Variants in UGT1A7 observed in about 807,000 individuals in gnomAD.
The protein encoded by UGT1A7 is UDP glucuronosyltransferase family 1 member A7.
UGT1A7 carries 33 observed loss-of-function variants against 45.6 expected under a neutral mutation model. The ratio of observed to expected loss-of-function variants is 0.72; its 90% CI spans 0.55 to 0.97. UGT1A7 has a LOEUF of 0.97. Among genes scored for constraint, UGT1A7 ranks in the 50% least tolerant of loss-of-function variants. UGT1A7 has a pLI of 0.00. For missense variants in UGT1A7, 684 were observed against 666.2 expected (o/e 1.03, Z -0.29); for synonymous variants, 274 against 250.6 (o/e 1.09, Z -0.88).
chr2:233,732,773 C>CTTTT (rs2078315229), intron 1 of UGT1A7, among the ~76,000 whole-genome samples: 1 of 103,190 alleles, frequency 9.7e-6, no homozygotes, highest in Admixed American at 1.1e-4. Flanking sequence ...TTTTTTTTTG[C>CTTTT]TTAGGATTGT....
At chr2:233,695,439 T>C (rs572772091) in intron 1 of UGT1A7, among the ~76,000 whole-genome samples, 14 of 152,046 alleles carry the variant, frequency 9.2e-5, no homozygotes, top group African/African-American at 3.4e-4. Context: ...CTTCTTCTTT[T>C]TTTTTTGATC....
At chr2:233,723,643 A>G in intron 1 of UGT1A7, among the ~76,000 whole-genome samples, 1 of 102,338 alleles carries the variant, frequency 9.8e-6, no homozygotes, top group Non-Finnish European at 1.9e-5. Context: ...AAGTGAACAA[A>G]GGTCTCTGGT....
intron 1 of UGT1A7, chr2:233,693,614 AC>A: frequency 6.2e-7 from 1 of 1,614,168 alleles, no homozygotes; most frequent in Non-Finnish European, 8.5e-7. Flanking sequence ...AGACCACATG[AC>A]TTTTTCCCAA....
intron 1 of UGT1A7, among the ~76,000 whole-genome samples, chr2:233,736,953 C>G (rs1030380285): frequency 2.0e-5 from 3 of 152,174 alleles, no homozygotes; most frequent in Admixed American, 1.3e-4. Flanking sequence ...TGTCTGTTGG[C>G]CCCTACTGGG....
intron 1 of UGT1A7, among the ~76,000 whole-genome samples, chr2:233,702,761 G>T (rs2125590907): frequency 1.3e-5 from 2 of 152,252 alleles, no homozygotes; most frequent in South Asian, 4.1e-4. Flanking sequence ...AGTGATATGT[G>T]TTAATTGATT....
chr2:233,721,185 A>G (rs759923829), intron 1 of UGT1A7, among the ~76,000 whole-genome samples: 2 of 152,206 alleles, frequency 1.3e-5, no homozygotes, highest in Non-Finnish European at 2.9e-5. Flanking sequence ...TCAAACCACA[A>G]GATATTTGTT....
intron 1 of UGT1A7, chr2:233,691,045 C>T (rs1175954453): frequency 1.0e-6 from 1 of 988,612 alleles, no homozygotes; most frequent in Non-Finnish European, 1.2e-6. Context: ...ACGTCCACAG[C>T]AGAGTGGAGG....
intron 1 of UGT1A7, among the ~76,000 whole-genome samples, chr2:233,738,801 T>C (rs1338084324): frequency 2.0e-5 from 3 of 152,194 alleles, no homozygotes; most frequent in Non-Finnish European, 4.4e-5. Context: ...GCAGAAATAC[T>C]AGCTAAAGAA....
At chr2:233,739,481 A>C (rs1429465625) in intron 1 of UGT1A7, among the ~76,000 whole-genome samples, 1 of 152,208 alleles carries the variant, frequency 6.6e-6, no homozygotes, top group Non-Finnish European at 1.5e-5. Flanking sequence ...GTGGGAGCCC[A>C]TTTCTGGCAT....
rs528683999 is a variant in UGT1A7 at position 233,722,200 on chromosome 2, G to A, written c.855+39408G>A. 2 of 154,324 alleles carry A rather than the reference G, an allele frequency of 1.3e-5. 1 individual carries two copies. Among genetic ancestry groups the A allele is most frequent in the African/African-American group, 4.8e-5 (2 of 41,610 alleles). The allele number at this position is 154,324 out of a possible 1,614,324, so 9.6% of individuals were successfully genotyped here. A position where few individuals can be genotyped will look rare whatever the true frequency, so the allele number is the denominator to read the frequency against. ...CCATGTTCGTGCCAATTTACTGAGT[G>A]CATGAAAGATCATTTACACCAAAAT... On this transcript the variant is annotated intron_variant, in intron 1 of 4. Coordinates refer to ENST00000373426, the MANE Select transcript of UGT1A7 (RefSeq NM_019077.3).
rs1342318233 is a variant in UGT1A7, at chr2:233,708,605, G to C, written c.855+25813G>C. ...CTTCACTACAGAAAGTAAAAACCTA[G>C]CTGGACATGGTAGCGTGTGCCTGTA... On this transcript the variant is annotated intron_variant, in intron 1 of 4. Coordinates refer to ENST00000373426, the MANE Select transcript of UGT1A7 (RefSeq NM_019077.3). 3 of 152,208 alleles carry C rather than the reference G, an allele frequency of 2.0e-5. No individual in the cohort carries two copies. In the East Asian group the frequency reaches 5.8e-4, roughly 30 times the overall value. 9.4% of individuals were successfully genotyped at this position (152,208 alleles called of 1,614,324 possible).
intron 1 of UGT1A7, among the ~76,000 whole-genome samples, chr2:233,736,611 AT>A (rs2078784415): frequency 6.6e-6 from 1 of 151,912 alleles, no homozygotes; most frequent in East Asian, 1.9e-4. Context: ...GGTTTTTAGA[AT>A]TTTCAGCTTT....
chr2:233,682,347 TAAAGG>T lies in UGT1A7; in HGVS notation c.412_416del (p.Lys138GlufsTer4). Reference sequence around the variant, plus strand: ...AATGACCGAAAATTAGTAGAATACTTAAAGGAGAGTTGTTTTGATGCAGTGTTTCT... The same window carrying T: ...AATGACCGAAAATTAGTAGAATACTTAGAGTTGTTTTGATGCAGTGTTTCT... On this transcript the variant is annotated frameshift_variant, in exon 1 of 5. Transcript: ENST00000373426. LOFTEE classifies it high-confidence loss of function. 6.2e-7 allele frequency: 1 copy of T among 1,614,138 alleles called. No individual in the cohort carries two copies. Among genetic ancestry groups the T allele is most frequent in the Admixed American group, 1.7e-5 (1 of 60,018 alleles).
At chr2:233,717,742 G>C (rs956280434) in intron 1 of UGT1A7, 27 of 456,394 alleles carry the variant, frequency 5.9e-5, no homozygotes, top group Non-Finnish European at 1.1e-4. Context: ...GAGTGCTCAG[G>C]GTCTCCCCCT....
intron 1 of UGT1A7, among the ~76,000 whole-genome samples, chr2:233,759,233 GA>G (rs1406502603): frequency 6.6e-6 from 1 of 152,188 alleles, no homozygotes; most frequent in Non-Finnish European, 1.5e-5. Flanking sequence ...ATGAAGGATG[GA>G]AACTTGCTTA....
At chr2:233,744,160 C>A (rs555064194) in intron 1 of UGT1A7, 3 of 294,534 alleles carry the variant, frequency 1.0e-5, no homozygotes, top group Non-Finnish European at 2.0e-5. Context: ...CCAGGCCCCG[C>A]CCACTCCGGC....
chr2:233,707,308 T>A (rs1362623312), intron 1 of UGT1A7, among the ~76,000 whole-genome samples: 2 of 152,304 alleles, frequency 1.3e-5, no homozygotes, highest in Non-Finnish European at 2.9e-5. Flanking sequence ...GCAGGTTTGT[T>A]ACATAGCTAA....
chr2:233,709,565 T>G (rs2076082358), intron 1 of UGT1A7, among the ~76,000 whole-genome samples: 1 of 152,156 alleles, frequency 6.6e-6, no homozygotes, highest in Non-Finnish European at 1.5e-5. Flanking sequence ...AAATTTAAAC[T>G]TAAAATTCAA....
chr2:233,741,330 A>G lies in UGT1A7; in HGVS notation c.856-25704A>G, dbSNP rs546865407. On this transcript the variant is annotated intron_variant, in intron 1 of 4. Coordinates refer to ENST00000373426, the MANE Select transcript of UGT1A7 (RefSeq NM_019077.3). ...CACACCAACTCATTCTACTCTACCC[A>G]GAGTAGTGATTTCCAACACACAAAA... is the stretch of plus-strand genomic sequence containing the variant. Among the ~76,000 whole-genome samples the G allele has an allele frequency of 1.8e-4, 27 of 151,932 alleles. 1 individual carries two copies. Among genetic ancestry groups the G allele is most frequent in the African/African-American group, 5.6e-4 (23 of 41,194 alleles).
Sources: gnomAD v4.1 joint callset for allele counts (sites outside exome capture counted in the v4.1 genomes callset) on GRCh38, gnomAD v4.1.1 for gene constraint, MANE v1.5 for transcripts, NCBI Gene and HGNC (gene_info 2026-07-23, HGNC 2026-07-21) for gene names.